Variants in PDE2A observed in about 807,000 individuals in gnomAD.
PDE2A encodes cGMP-dependent 3',5'-cyclic phosphodiesterase.
PDE2A carries 53 observed loss-of-function variants against 133.6 expected under a neutral mutation model. The ratio of observed to expected loss-of-function variants is 0.40; its 90% CI spans 0.32 to 0.50. PDE2A has a LOEUF of 0.50. Among genes scored for constraint, PDE2A ranks in the 20% least tolerant of loss-of-function variants. The pLI is 0.73. For synonymous variants in PDE2A, 491 were observed against 490.2 expected, an observed-to-expected ratio of 1.00 and a Z score of -0.02; for missense variants, 796 against 1,232.4, an observed-to-expected ratio of 0.65 and a Z score of 5.30.
In PDE2A at chr11:72,579,278, A is replaced by C; in HGVS notation, c.2356+6T>G. 1 of 1,596,604 alleles carries C rather than the reference A, an allele frequency of 6.3e-7. No individual in the cohort carries two copies. Among genetic ancestry groups the C allele is most frequent in the Non-Finnish European group, 8.6e-7 (1 of 1,164,376 alleles). ...AGCCCCAAGGACTGGGGCTAACAGC[A>C]GTCACCCTCAGCCATCTTCTGGAGG... is the stretch of plus-strand genomic sequence containing the variant. On this transcript the variant is annotated splice_donor_region_variant and intron_variant, in intron 27 of 30. Transcript: ENST00000334456.
At position 72,618,774 on chromosome 11, in the gene PDE2A, G is replaced by A. The variant is rs567309630; in HGVS notation, c.145-10023C>T. ...CGATGGGCCTACGAGCCCATGGGACGCTGGCCATGGGCCTTGGTCACTCTG... is the reference window on the plus strand; with the variant it reads ...CGATGGGCCTACGAGCCCATGGGACACTGGCCATGGGCCTTGGTCACTCTG... On this transcript the variant is annotated intron_variant, in intron 2 of 30. Coordinates refer to ENST00000334456, the MANE Select transcript of PDE2A (RefSeq NM_002599.5). Among the ~76,000 whole-genome samples the A allele has an allele frequency of 2.6e-5, 4 of 152,236 alleles. No individual in the cohort carries two copies. In the East Asian group the frequency reaches 7.8e-4, roughly 30 times the overall value.
At chr11:72,606,027 T>A (rs1357006997) in intron 3 of PDE2A, among the ~76,000 whole-genome samples, 1 of 151,980 alleles carries the variant, frequency 6.6e-6, no homozygotes, top group Non-Finnish European at 1.5e-5. Context: ...AGCAGATTTG[T>A]ATTTTGGACC....
At chr11:72,668,354 A>G in intron 1 of PDE2A, 1 of 718,766 alleles carries the variant, frequency 1.4e-6, no homozygotes, top group East Asian at 2.7e-5. Context: ...AGAAAACAGC[A>G]GTCTCTTGGG....
intron 21 of PDE2A, chr11:72,582,209 C>T (rs1855755403): frequency 3.3e-6 from 2 of 609,032 alleles, no homozygotes; most frequent in South Asian, 4.1e-5. Context: ...AGGTCACATG[C>T]CCTGGGCATG....
intron 2 of PDE2A, among the ~76,000 whole-genome samples, chr11:72,634,684 G>A (rs1394868033): frequency 1.3e-5 from 2 of 152,358 alleles, no homozygotes; most frequent in East Asian, 1.9e-4. Flanking sequence ...TGAAACACTG[G>A]ACAATTGGGC....
At position 72,576,306 on chromosome 11, in the gene PDE2A, A is replaced by G. The variant is rs1299161; in HGVS notation, c.*1078T>C. 0.99 allele frequency: 150,984 copies of G among 152,286 alleles called. 74,858 individuals carry two copies. The highest frequency in any genetic ancestry group is 1 in the Middle Eastern group (294 of 294). The allele number at this position is 152,286 out of a possible 1,614,324, so 9.4% of individuals were successfully genotyped here. ...CCCCACAACGCACACAGAATGAAAC[A>G]GAGAAAAAGAGAGAAGCCAGTGGCC... On this transcript the variant is annotated 3_prime_UTR_variant, in exon 31 of 31. Transcript: ENST00000334456.
rs1856213540 is a variant in PDE2A at position 72,590,823 on chromosome 11, C to T, written c.550-243G>A. On this transcript the variant is annotated intron_variant, in intron 7 of 30. Coordinates refer to ENST00000334456, the MANE Select transcript of PDE2A (RefSeq NM_002599.5). This position sits in a 1 kb window ranked among gnomAD's most constrained non-coding sequence, Gnocchi z 4.8. ...TACAGGGTCTATCTCCATCCCTAGC[C>T]CCTAGATTCTTCCAAGACAAGATGT... is the stretch of plus-strand genomic sequence containing the variant. 1 of 422,048 alleles carries T rather than the reference C, an allele frequency of 2.4e-6. No homozygotes were observed. The highest frequency in any genetic ancestry group is 4.1e-6 in the Non-Finnish European group (1 of 241,902). The allele number at this position is 422,048 out of a possible 1,614,324, so 26.1% of individuals were successfully genotyped here.
In PDE2A at chr11:72,578,971, G is replaced by T; in HGVS notation, c.2395C>A (p.Leu799Ile). 1 of 1,614,016 alleles carries T rather than the reference G, an allele frequency of 6.2e-7. No individual in the cohort carries two copies. The highest frequency in any genetic ancestry group is 8.5e-7 in the Non-Finnish European group (1 of 1,179,832). ...CAGGAGGTCATGAGGAGGCAGAGGA[G>T]AAGTCTGTGGTGCTGCTTGTTGTTT... ...DRNNKQHHRL[L>I]LCLLMTSCDL... Residue 799 changes from leucine to isoleucine, a missense_variant, in exon 28 of 31, where the codon CTC (leucine) becomes ATC (isoleucine). Transcript: ENST00000334456. This position sits in a 1 kb window ranked among gnomAD's most constrained non-coding sequence, Gnocchi z 4.2.
intron 1 of PDE2A, among the ~76,000 whole-genome samples, chr11:72,673,752 C>CA (rs11421754): frequency 0.9 from 136,040 of 151,356 alleles, 61,650 homozygotes; most frequent in African/African-American, 0.97. Flanking sequence ...TCTCCCTCTC[C>CA]GGGTCCTGAA....
intron 1 of PDE2A, among the ~76,000 whole-genome samples, chr11:72,646,770 T>G (rs1258228745): frequency 3.3e-5 from 5 of 152,226 alleles, no homozygotes; most frequent in Admixed American, 1.3e-4. Context: ...CTCTTTGCCT[T>G]TGCCCAACCT....
chr11:72,625,583 C>G (rs1442825317), intron 2 of PDE2A, among the ~76,000 whole-genome samples: 1 of 152,196 alleles, frequency 6.6e-6, no homozygotes, highest in Admixed American at 6.5e-5. Context: ...GAGGGGACAC[C>G]AGGCTGGAGG....
chr11:72,584,486 C>A (rs148038373), intron 18 of PDE2A, 65 bp downstream of exon 18: 111,370 of 1,516,858 alleles, frequency 0.073, 4,709 homozygotes, highest in Non-Finnish European at 0.081. Flanking sequence ...GTTGCCACCC[C>A]CGCTCGCTCG....
chr11:72,657,734 T>C (rs779137864), intron 1 of PDE2A: 2 of 451,384 alleles, frequency 4.4e-6, no homozygotes, highest in Non-Finnish European at 8.9e-6. Flanking sequence ...ATCTTGGATC[T>C]GGGGGAGGAG....
chr11:72,606,233 G>A (rs866134942), intron 3 of PDE2A, among the ~76,000 whole-genome samples: 3 of 151,900 alleles, frequency 2.0e-5, no homozygotes, highest in Admixed American at 6.6e-5. Flanking sequence ...CCCATGCAAC[G>A]CAGCCTTGTC....
chr11:72,594,208 G>C lies in PDE2A; in HGVS notation c.489+2385C>G, dbSNP rs1482760886. ...GGATGAGGGGGTGGATGGGTAGGTGGATCAGTGGATGAATACTAAGAGCAG... is the reference window on the plus strand; with the variant it reads ...GGATGAGGGGGTGGATGGGTAGGTGCATCAGTGGATGAATACTAAGAGCAG... On this transcript the variant is annotated intron_variant, in intron 6 of 30. Coordinates refer to ENST00000334456, the MANE Select transcript of PDE2A (RefSeq NM_002599.5). Among the ~76,000 whole-genome samples, 2 of 152,362 alleles carry C rather than the reference G, an allele frequency of 1.3e-5. 1 individual carries two copies. Among genetic ancestry groups the C allele is most frequent in the South Asian group, 4.1e-4 (2 of 4,828 alleles).
chr11:72,623,750 T>C (rs1031526021), intron 2 of PDE2A, among the ~76,000 whole-genome samples: 5 of 152,120 alleles, frequency 3.3e-5, no homozygotes, highest in African/African-American at 1.2e-4. Flanking sequence ...TCCCTCTTGC[T>C]CATCTTCTCA....
chr11:72,581,066 G>A (rs1434697445), intron 23 of PDE2A, 93 bp from the exon 24 acceptor site: 2 of 903,490 alleles, frequency 2.2e-6, no homozygotes, highest in Non-Finnish European at 3.6e-6. Flanking sequence ...GACATGCCCA[G>A]GAGCCACTGG....
intron 2 of PDE2A, among the ~76,000 whole-genome samples, chr11:72,627,482 A>G (rs1189966570): frequency 2.0e-5 from 3 of 152,234 alleles, no homozygotes; most frequent in Non-Finnish European, 4.4e-5. Flanking sequence ...AAGGAAAGGT[A>G]TTCCAGACAG....
chr11:72,591,354 C>T lies in PDE2A; in HGVS notation c.492G>A (p.Val164=), dbSNP rs745456289. ...CATTATCACTCAGCTGGCCACAGTG[C>T]ACCTGGAGGGATGGGAGAAGGGAAC... ...EAGAVAAVIL[V]HCGQLSDNEE... Residue 164 remains valine, a splice_region_variant and synonymous_variant, in exon 7 of 31, where the codon GTG becomes GTA. Coordinates refer to ENST00000334456, the MANE Select transcript of PDE2A (RefSeq NM_002599.5). The T allele has an allele frequency of 2.5e-6, 4 of 1,613,340 alleles. No homozygotes were observed. The East Asian group carries it at 8.9e-5, about 36-fold the overall frequency.
Sources: gnomAD v4.1 joint callset for allele counts (sites outside exome capture counted in the v4.1 genomes callset) on GRCh38, gnomAD v4.1.1 for gene constraint, Gnocchi (gnomAD v3.1) non-coding constraint, MANE v1.5 for transcripts, NCBI Gene and HGNC (gene_info 2026-07-23, HGNC 2026-07-21) for gene names.